The following HTT variants were observed in gnomAD, a reference collection of about 807,000 sequenced individuals.
HTT encodes huntington disease protein.
Under a neutral mutation model 362.3 loss-of-function variants are expected in HTT, and 104 were observed. The observed-to-expected ratio is 0.29, with a 90% CI of 0.24 to 0.34. The LOEUF is 0.34. HTT is among the 10% of genes least tolerant of loss of function. HTT has a pLI of 1.00. For synonymous variants in HTT, 1,577 were observed against 1,548.7 expected (o/e 1.02, Z -0.43); for missense variants, 3,301 against 3,928.6 (o/e 0.84, Z 4.27).
chr4:3,165,853 A>G (rs1717675809), intron 29 of HTT, among the ~76,000 whole-genome samples: 1 of 152,102 alleles, frequency 6.6e-6, no homozygotes, highest in African/African-American at 2.4e-5. Context: ...ATGGGTTAGA[A>G]CATGCTCCTT....
At chr4:3,140,397 G>A in intron 21 of HTT, 113 bp from the exon 22 acceptor site, 1 of 807,168 alleles carries the variant, frequency 1.2e-6, no homozygotes, top group Non-Finnish European at 2.0e-6. Flanking sequence ...GCGAGAAGTG[G>A]TGTCCGCTGG....
rs373899479 is a variant in HTT at position 3,114,863 on chromosome 4, C to T, written c.748-441C>T. ...TGTCCAGTTAAATTGCAGATATTTC[C>T]GATCGAAGATGTTCCAGTCCTGAGA... On this transcript the variant is annotated intron_variant, in intron 6 of 66. Coordinates refer to ENST00000355072, the MANE Select transcript of HTT (RefSeq NM_001388492.1). Among the ~76,000 whole-genome samples the T allele has an allele frequency of 4.6e-5, 7 of 152,174 alleles. No individual in the cohort carries two copies. In the East Asian group the frequency reaches 5.8e-4, roughly 13 times the overall value.
intron 6 of HTT, among the ~76,000 whole-genome samples, chr4:3,111,908 G>T (rs1578507642): frequency 6.6e-6 from 1 of 152,102 alleles, no homozygotes; most frequent in South Asian, 2.1e-4. Context: ...GCTCTTCTTG[G>T]CGTCTGTGGC....
intron 5 of HTT, 34 bp from the exon 6 acceptor site, chr4:3,107,251 T>A: frequency 3.1e-6 from 5 of 1,602,472 alleles, no homozygotes; most frequent in Non-Finnish European, 4.3e-6. Context: ...GAAGGAGAGC[T>A]GGAAGAATGA....
intron 3 of HTT, 104 bp from the exon 4 acceptor site, chr4:3,103,720 T>A (rs1714274206): frequency 2.8e-6 from 2 of 710,222 alleles, no homozygotes; most frequent in Non-Finnish European, 5.1e-6. Flanking sequence ...TAGTTGCTAT[T>A]ATGTTTTGCT....
At chr4:3,211,808 A>T in intron 47 of HTT, 121 bp from the exon 48 acceptor site, 1 of 688,374 alleles carries the variant, frequency 1.5e-6, no homozygotes, top group African/African-American at 1.8e-5. Context: ...TTGATGGTAT[A>T]CCAATTTGTA....
intron 1 of HTT, among the ~76,000 whole-genome samples, chr4:3,084,600 G>T (rs1177655834): frequency 6.6e-6 from 1 of 151,570 alleles, no homozygotes; most frequent in East Asian, 1.9e-4. Flanking sequence ...TGAGGCAAGA[G>T]AACTGCTTGA....
intron 23 of HTT, among the ~76,000 whole-genome samples, chr4:3,144,353 T>C (rs1716494399): frequency 6.6e-6 from 1 of 152,230 alleles, no homozygotes; most frequent in Non-Finnish European, 1.5e-5. Context: ...AATCTCACTC[T>C]GTTGCCCAGG....
Position 3,160,200 on chromosome 4 carries a change from G to A in HTT, c.3754-82G>A, listed in dbSNP as rs138822515. On this transcript the variant is annotated intron_variant, in intron 28 of 66. Coordinates refer to ENST00000355072, the MANE Select transcript of HTT (RefSeq NM_001388492.1). ...CACAGTGGAGGCATCTGCTGCAGCC[G>A]TCGATGTTTGTGTCTTTGGTTGTAC... 6.7e-5 allele frequency: 59 copies of A among 886,892 alleles called. No homozygotes were observed. The African/African-American group carries it at 6.9e-4, about 10-fold the overall frequency. The allele number at this position is 886,892 out of a possible 1,614,324, so 54.9% of individuals were successfully genotyped here.
chr4:3,171,539 G>A (rs1717974935), intron 29 of HTT, among the ~76,000 whole-genome samples: 1 of 150,480 alleles, frequency 6.6e-6, no homozygotes, highest in East Asian at 1.9e-4. Flanking sequence ...GTGCAATGGC[G>A]CCATCTCGGC....
rs778260614 is a variant in HTT, at chr4:3,146,953, T to C, written c.3295+5T>C. On this transcript the variant is annotated splice_donor_5th_base_variant and intron_variant, in intron 25 of 66. Coordinates refer to ENST00000355072, the MANE Select transcript of HTT (RefSeq NM_001388492.1). The stretch of plus-strand genomic sequence containing the variant: ...TGGCCGGAAACTTGCTTGCAGGTAC[T>C]GGTACTGAGTTGAAACAGGGACTCC... The C allele has an allele frequency of 2.2e-5, 36 of 1,613,990 alleles. No individual in the cohort carries two copies. Among genetic ancestry groups the C allele is most frequent in the Non-Finnish European group, 3.1e-5 (36 of 1,179,944 alleles).
intron 36 of HTT, among the ~76,000 whole-genome samples, chr4:3,180,956 A>C (rs1718496662): frequency 6.6e-6 from 1 of 150,542 alleles, no homozygotes; most frequent in East Asian, 1.9e-4. Context: ...GGCTCATTGC[A>C]AGCTCCACCT....
chr4:3,143,451 A>AG (rs1424227019), intron 23 of HTT, among the ~76,000 whole-genome samples: 10 of 150,614 alleles, frequency 6.6e-5, no homozygotes, highest in South Asian at 2.1e-4. Flanking sequence ...AAAAAAAAAA[A>AG]AAAAGAAAAG....
chr4:3,131,762 C>G lies in HTT; in HGVS notation c.2223C>G (p.Thr741=), dbSNP rs1193111704. The change falls in exon 16 of 67, where the codon ACC becomes ACG. Residue 741 remains threonine (T), a synonymous_variant. Transcript: ENST00000355072. ...FSKLYKVPLD[T]TEYPEEQYVS... Reference sequence around the variant, plus strand: ...AACTCTATAAAGTTCCTCTTGACACCACGGAATACCCTGGTATGTTAAAAG... The same window carrying G: ...AACTCTATAAAGTTCCTCTTGACACGACGGAATACCCTGGTATGTTAAAAG... 2 of 1,613,716 alleles carry G rather than the reference C, an allele frequency of 1.2e-6. No individual in the cohort carries two copies. The highest frequency in any genetic ancestry group is 2.2e-5 in the South Asian group (2 of 91,068).
At chr4:3,135,446 GTT>G (rs5855769) in intron 19 of HTT, among the ~76,000 whole-genome samples, 2 of 141,930 alleles carry the variant, frequency 1.4e-5, no homozygotes, top group African/African-American at 2.6e-5. Context: ...TTTAGGGTTT[GTT>G]TTTTTTTTTT....
At chr4:3,196,356 T>C (rs2110258168) in intron 40 of HTT, among the ~76,000 whole-genome samples, 1 of 152,278 alleles carries the variant, frequency 6.6e-6, no homozygotes, top group East Asian at 1.9e-4. Flanking sequence ...TCCTGCCGGC[T>C]TCCTGGCCCC....
At chr4:3,151,684 A>C (rs1716900272) in intron 26 of HTT, among the ~76,000 whole-genome samples, 2 of 152,196 alleles carry the variant, frequency 1.3e-5, no homozygotes, top group Non-Finnish European at 2.9e-5. Context: ...GAGGTGGAAC[A>C]GTTTCATCCC....
At position 3,174,737 on chromosome 4, in the gene HTT, C is replaced by T. The variant is rs1261677167; in HGVS notation, c.4183C>T (p.Gln1395Ter). The change falls in exon 32 of 67, where the codon CAG becomes TAG. Residue 1395 changes from glutamine (Q) to a stop codon, truncating the protein, a stop_gained. Transcript: ENST00000355072. LOFTEE classifies it high-confidence loss of function. ...ATTTGGCAGATGGTTTGATGTCCTC[C>T]AGAAAGTGTCTACCCAGTTGAAGAC... Reference protein sequence around the residue: ...NDTSGWFDVLQKVSTQLKTNL... With the variant: ...NDTSGWFDVL 3 of 1,613,780 alleles carry T rather than the reference C, an allele frequency of 1.9e-6. No homozygotes were observed. Among genetic ancestry groups the T allele is most frequent in the Non-Finnish European group, 2.5e-6 (3 of 1,179,734 alleles).
chr4:3,239,989 C>T lies in HTT; in HGVS notation c.9359C>T (p.Ala3120Val). The change falls in exon 67 of 67, where the codon GCA (alanine) becomes GTA (valine). Residue 3120 changes from alanine (A) to valine (V), a missense_variant. Physicochemically the swap from Ala to Val is moderately conservative, Grantham distance 64. Around this residue, in one of 4 missense-constraint regions of HTT, gnomAD observed 753 missense variants for 1,021.3 expected, o/e 0.74. Transcript: ENST00000355072. ...TTCCAGTCTGTGCTTGAGGTGGTTGCAGCCCCAGGAAGCCCATATCACCGG... is the reference window on the plus strand; with the variant it reads ...TTCCAGTCTGTGCTTGAGGTGGTTGTAGCCCCAGGAAGCCCATATCACCGG... Reference protein sequence around the residue: ...RAFQSVLEVVAAPGSPYHRLL... With the variant: ...RAFQSVLEVVVAPGSPYHRLL... 6.2e-7 allele frequency: 1 copy of T among 1,600,904 alleles called. No homozygotes were observed. Among genetic ancestry groups the T allele is most frequent in the African/African-American group, 1.3e-5 (1 of 74,956 alleles).
Sources: allele counts gnomAD v4.1 joint callset (sites outside exome capture counted in the v4.1 genomes callset), GRCh38; gene constraint gnomAD v4.1.1; regional missense constraint gnomAD v4.1.1; transcripts MANE v1.5; gene names NCBI Gene and HGNC (gene_info 2026-07-23, HGNC 2026-07-21).